Variants in CARS2 observed in about 807,000 individuals in gnomAD.
CARS2 encodes cysteinyl-tRNA synthetase 2, mitochondrial, also known as probable cysteine--tRNA ligase, mitochondrial.
In CARS2, 52 loss-of-function variants were observed where a neutral mutation model predicts 68.8. That is an observed-to-expected ratio of 0.76 (90% CI 0.61 to 0.95). The LOEUF is 0.95. Ranked by LOEUF, CARS2 falls within the 40% of genes least tolerant of loss-of-function variation. CARS2 has a pLI of 0.00. For synonymous variants in CARS2, 314 were observed against 303.6 expected (o/e 1.03, Z -0.36); for missense variants, 780 against 754.2 (o/e 1.03, Z -0.40).
At chr13:110,712,841 T>C in intron 1 of CARS2, 2 of 1,041,990 alleles carry the variant, frequency 1.9e-6, no homozygotes, top group Non-Finnish European at 2.9e-6. Context: ...AGGAAGCAGC[T>C]TCCCTCTCAG....
chr13:110,693,128 A>G (rs1239663459), intron 3 of CARS2, among the ~76,000 whole-genome samples: 1 of 151,508 alleles, frequency 6.6e-6, no homozygotes, highest in Non-Finnish European at 1.5e-5. Flanking sequence ...AAAAAAAAAA[A>G]AAAAGAATTA....
upstream of CARS2, among the ~76,000 whole-genome samples, chr13:110,708,978 TCTGGAACTC>T (rs1179135552): frequency 6.6e-6 from 1 of 152,052 alleles, no homozygotes; most frequent in African/African-American, 2.4e-5. Flanking sequence ...GGTCTGGGAC[TCTGGAACTC>T]CTGACCTCAA....
intron 10 of CARS2, 85 bp from the exon 11 acceptor site, chr13:110,647,324 G>T: frequency 6.7e-7 from 1 of 1,503,608 alleles, no homozygotes; most frequent in Non-Finnish European, 9.0e-7. Context: ...TTTTCTGAGG[G>T]CACTGCCACC....
chr13:110,645,919 C>G (rs745872506), intron 12 of CARS2, 48 bp downstream of exon 12: 3 of 1,598,576 alleles, frequency 1.9e-6, no homozygotes, highest in Admixed American at 1.7e-5. Flanking sequence ...AGGACCCGAC[C>G]CATGCCCCTG....
intron 14 of CARS2, among the ~76,000 whole-genome samples, 181 bp from the exon 15 acceptor site, chr13:110,641,789 G>A (rs887165116): frequency 6.6e-6 from 1 of 152,246 alleles, no homozygotes; most frequent in Non-Finnish European, 1.5e-5. Context: ...CAAGGCACCT[G>A]CAGGAGGTGG....
intron 3 of CARS2, among the ~76,000 whole-genome samples, chr13:110,691,941 T>C (rs2063471005): frequency 7.8e-6 from 1 of 128,668 alleles, no homozygotes; most frequent in Non-Finnish European, 1.6e-5. Flanking sequence ...TCCTGAATAA[T>C]ACATGCAATC....
chr13:110,641,959 T>C (rs879690993), intron 14 of CARS2, among the ~76,000 whole-genome samples: 1 of 152,176 alleles, frequency 6.6e-6, no homozygotes, highest in South Asian at 2.1e-4. Context: ...CCTGGCACTT[T>C]GGGAGGCTGA....
In CARS2 at chr13:110,662,112, C is replaced by T. The variant is rs1432642842; in HGVS notation, c.987+1339G>A. 2.6e-5 allele frequency among the ~76,000 whole-genome samples: 4 copies of T among 152,234 alleles called. No homozygotes were observed. The East Asian group carries it at 7.7e-4, about 29-fold the overall frequency. ...TCAATCTGTAAAGACACAGCATCTG[C>T]GAAGTGCGGTCAAGTGAAGCTCAAT... On this transcript the variant is annotated intron_variant, in intron 9 of 14. Transcript: ENST00000257347.
chr13:110,700,818 T>C (rs938827840), intron 3 of CARS2, among the ~76,000 whole-genome samples: 1 of 152,186 alleles, frequency 6.6e-6, no homozygotes, highest in African/African-American at 2.4e-5. Context: ...GTCATTTCCC[T>C]TGGAGGCCGA....
intron 12 of CARS2, chr13:110,644,816 CAG>C (rs1364702779): frequency 9.3e-5 from 24 of 258,272 alleles, no homozygotes; most frequent in Non-Finnish European, 1.8e-4. Flanking sequence ...CTGGGTTTCT[CAG>C]AAAACGGGGA....
At chr13:110,663,940 G>A (rs928871378) in intron 8 of CARS2, 193 of 994,514 alleles carry the variant, frequency 1.9e-4, no homozygotes, top group Non-Finnish European at 2.2e-4. Flanking sequence ...CTTGTTGACC[G>A]TTGTCCAAAA....
At chr13:110,713,477 C>G (rs2064063761) in exon 1 of CARS2, 4 of 988,652 alleles carry the variant, frequency 4.0e-6, no homozygotes, top group Middle Eastern at 5.2e-4. Flanking sequence ...CACACCCCAG[C>G]GGCCCTGACG....
upstream of CARS2, among the ~76,000 whole-genome samples, chr13:110,706,981 A>T (rs2063974618): frequency 6.7e-6 from 1 of 149,162 alleles, no homozygotes; most frequent in Non-Finnish European, 1.5e-5. Flanking sequence ...TACAGTGTGC[A>T]CTCCAATACA....
At chr13:110,706,249 C>T (rs2063956748), upstream of CARS2, 1 of 467,638 alleles carries the variant, frequency 2.1e-6, no homozygotes, top group Non-Finnish European at 3.3e-6. Flanking sequence ...TCCCTTTGGC[C>T]TGGCTCGAGT....
intron 3 of CARS2, among the ~76,000 whole-genome samples, chr13:110,696,982 G>T (rs979073408): frequency 6.6e-6 from 1 of 152,254 alleles, no homozygotes; most frequent in African/African-American, 2.4e-5. Context: ...TCCCCTGCGG[G>T]GCCCTTTCTC....
At chr13:110,698,155 A>G (rs2063677611) in intron 3 of CARS2, among the ~76,000 whole-genome samples, 1 of 152,186 alleles carries the variant, frequency 6.6e-6, no homozygotes, top group Admixed American at 6.5e-5. Flanking sequence ...GGAAGCCACA[A>G]TGACAGACAA....
In CARS2 at chr13:110,665,376, G is replaced by A. The variant is rs2062620175; in HGVS notation, c.920-1858C>T. ...CAGGAGAATTGCTTGAACCCAGGAG[G>A]CAGAGGTTGCGGTGAGCTCAGATAG... On this transcript the variant is annotated intron_variant, in intron 8 of 14. Transcript: ENST00000257347. The surrounding 1 kb of genome is among the most constrained non-coding windows in gnomAD (Gnocchi z 4.3). 3 of 874,208 alleles carry A rather than the reference G, an allele frequency of 3.4e-6. No individual in the cohort carries two copies. Among genetic ancestry groups the A allele is most frequent in the Non-Finnish European group, 4.1e-6 (3 of 728,434 alleles). The allele number at this position is 874,208 out of a possible 1,614,324, so 54.2% of individuals were successfully genotyped here.
intron 10 of CARS2, among the ~76,000 whole-genome samples, chr13:110,649,698 G>A (rs1325757418): frequency 2.6e-5 from 4 of 152,138 alleles, no homozygotes; most frequent in East Asian, 3.9e-4. Flanking sequence ...CAACAGCAGC[G>A]ACCCAGGGCC....
chr13:110,669,820 C>G (rs2062752663), intron 7 of CARS2, among the ~76,000 whole-genome samples: 1 of 152,138 alleles, frequency 6.6e-6, no homozygotes, highest in Non-Finnish European at 1.5e-5. Flanking sequence ...CCAAGGGAAG[C>G]TGTGACAGAC....
Sources: allele counts gnomAD v4.1 joint callset (sites outside exome capture counted in the v4.1 genomes callset), GRCh38; gene constraint gnomAD v4.1.1; non-coding constraint Gnocchi (gnomAD v3.1); transcripts MANE v1.5; gene names NCBI Gene and HGNC (gene_info 2026-07-23, HGNC 2026-07-21).